ADGRL1: variants seen among roughly 807,000 people sequenced by gnomAD.
ADGRL1 encodes CIRL-1.
A neutral mutation model predicts 148.9 loss-of-function variants in ADGRL1; 31 were observed. The ratio of observed to expected loss-of-function variants is 0.21; its 90% CI spans 0.16 to 0.28. The LOEUF (loss-of-function observed/expected upper bound fraction) is 0.28, where lower values mean the gene tolerates loss of function less well. ADGRL1 is among the 10% of genes least tolerant of loss of function. The pLI is 1.00. For missense variants in ADGRL1, 1,521 were observed against 2,058.8 expected, an observed-to-expected ratio of 0.74 and a Z score of 5.05; for synonymous variants, 937 against 900.3, an observed-to-expected ratio of 1.04 and a Z score of -0.73.
Position 14,152,229 on chromosome 19 carries a change from C to T in ADGRL1, c.3650-79G>A, listed in dbSNP as rs1326682661. 6.2e-7 allele frequency: 1 copy of T among 1,613,842 alleles called. No homozygotes were observed. Among genetic ancestry groups the T allele is most frequent in the Non-Finnish European group, 8.5e-7 (1 of 1,179,958 alleles). On this transcript the variant is annotated intron_variant, in intron 21 of 22. Coordinates refer to ENST00000361434, the MANE Select transcript of ADGRL1 (RefSeq NM_014921.5). This position sits in a 1 kb window ranked among gnomAD's most constrained non-coding sequence, Gnocchi z 6.1. ...GCAAGTCCAGGCTCCAGTTCTGGGG[C>T]ACAGAACATCCCATGCAGAGGTCCC...
rs558552974 is a variant in ADGRL1 at position 14,148,420 on chromosome 19, C to T, written c.*2453G>A. On this transcript the variant is annotated 3_prime_UTR_variant, in exon 23 of 23. Coordinates refer to ENST00000361434, the MANE Select transcript of ADGRL1 (RefSeq NM_014921.5). ...GGAGGAAGTTGGCCTCTCTGTGTGC[C>T]TCAGCCCCCTGGAACTCTCCTGGCC... The T allele has an allele frequency of 6.6e-5, 10 of 152,458 alleles. No homozygotes were observed. The East Asian group carries it at 1.9e-3, about 29-fold the overall frequency. 9.4% of individuals were successfully genotyped at this position (152,458 alleles called of 1,614,324 possible). A position where few individuals can be genotyped will look rare whatever the true frequency, so the allele number is the denominator to read the frequency against.
chr19:14,162,004 C>T lies in ADGRL1; in HGVS notation c.1196-378G>A, dbSNP rs950655927. Among the ~76,000 whole-genome samples the T allele has an allele frequency of 1.3e-5, 2 of 152,080 alleles. No individual in the cohort carries two copies. The highest frequency in any genetic ancestry group is 2.9e-5 in the Non-Finnish European group (2 of 67,982). On this transcript the variant is annotated intron_variant, in intron 5 of 22. Transcript: ENST00000361434. The surrounding 1 kb of genome is among the most constrained non-coding windows in gnomAD (Gnocchi z 5.4). ...CCACCAGGTGGGGGCTGAATACCAC[C>T]GCCCCCCATCCTCGTTCTAGCTGAC...
At chr19:14,158,166 G>T in intron 12 of ADGRL1, 114 bp from the exon 13 acceptor site, 2 of 1,290,136 alleles carry the variant, frequency 1.6e-6, no homozygotes. Context: ...AGTGCCTGGG[G>T]TCTGGGGCTC....
intron 1 of ADGRL1, among the ~76,000 whole-genome samples, chr19:14,184,785 A>G (rs1008538155): frequency 1.3e-5 from 2 of 151,356 alleles, no homozygotes; most frequent in Non-Finnish European, 2.9e-5. Flanking sequence ...GACTACAGGC[A>G]CCCACCAACA....
chr19:14,180,428 G>C (rs1284446265), intron 2 of ADGRL1, among the ~76,000 whole-genome samples: 1 of 151,486 alleles, frequency 6.6e-6, no homozygotes, highest in African/African-American at 2.4e-5. Context: ...ACTAATTTTT[G>C]TATTTTTAGT....
intron 4 of ADGRL1, among the ~76,000 whole-genome samples, chr19:14,168,544 A>G (rs1436926619): frequency 6.6e-6 from 1 of 151,960 alleles, no homozygotes; most frequent in Admixed American, 6.6e-5. Flanking sequence ...CTGTCCCTGG[A>G]GCCTGCCTGG....
intron 1 of ADGRL1, among the ~76,000 whole-genome samples, chr19:14,197,774 G>A (rs1232157028): frequency 2.0e-5 from 3 of 152,170 alleles, no homozygotes; most frequent in Non-Finnish European, 2.9e-5. Context: ...TACCATTGTG[G>A]GTTGGGCTGG....
intron 3 of ADGRL1, among the ~76,000 whole-genome samples, chr19:14,172,326 G>T (rs1970529912): frequency 6.6e-6 from 1 of 152,150 alleles, no homozygotes; most frequent in African/African-American, 2.4e-5. Context: ...GGAGGCTAAG[G>T]CAGAAGAATC....
chr19:14,154,749 G>A (rs558113630), intron 18 of ADGRL1, among the ~76,000 whole-genome samples: 58 of 151,860 alleles, frequency 3.8e-4, no homozygotes, highest in African/African-American at 1.4e-3. Context: ...CAAGTAGCTG[G>A]GACTACAGGC....
At chr19:14,202,410 G>A (rs1215205747) in intron 1 of ADGRL1, among the ~76,000 whole-genome samples, 2 of 151,944 alleles carry the variant, frequency 1.3e-5, no homozygotes, top group Non-Finnish European at 2.9e-5. Flanking sequence ...ACACCACCAC[G>A]CCTGGCTAAT....
intron 1 of ADGRL1, among the ~76,000 whole-genome samples, chr19:14,200,632 A>T (rs1972539698): frequency 6.6e-6 from 1 of 152,158 alleles, no homozygotes; most frequent in Non-Finnish European, 1.5e-5. Flanking sequence ...TATTTTTTTG[A>T]GACAGGGTCT....
chr19:14,163,941 A>G (rs1337407013), intron 4 of ADGRL1, among the ~76,000 whole-genome samples: 3 of 148,220 alleles, frequency 2.0e-5, no homozygotes, highest in Non-Finnish European at 4.5e-5. Context: ...CCACACCCGG[A>G]CAGTGTTTTT....
chr19:14,154,263 T>C (rs1033609925), intron 18 of ADGRL1, among the ~76,000 whole-genome samples: 1 of 152,166 alleles, frequency 6.6e-6, no homozygotes, highest in African/African-American at 2.4e-5. Flanking sequence ...AGGATTCTCA[T>C]GATCACTGCC....
In ADGRL1 at chr19:14,159,077, C is replaced by T. The variant is rs374816441; in HGVS notation, c.2149+13G>A. On this transcript the variant is annotated intron_variant, in intron 11 of 22. Coordinates refer to ENST00000361434, the MANE Select transcript of ADGRL1 (RefSeq NM_014921.5). This position sits in a 1 kb window ranked among gnomAD's most constrained non-coding sequence, Gnocchi z 6.0. ...GCTGCTTCCCCACCCGAGGCCCCGC[C>T]GGGGACACTGACCATTGCGGCTGTT... 8.7e-6 allele frequency: 14 copies of T among 1,613,154 alleles called. No individual in the cohort carries two copies. In the Admixed American group the frequency reaches 1.2e-4, roughly 13 times the overall value.
chr19:14,150,691 C>T lies in ADGRL1; in HGVS notation c.*182G>A. 8 of 665,530 alleles carry T rather than the reference C, an allele frequency of 1.2e-5. No homozygotes were observed. Among genetic ancestry groups the T allele is most frequent in the Non-Finnish European group, 1.5e-5 (6 of 407,802 alleles). 41.2% of individuals were successfully genotyped at this position (665,530 alleles called of 1,614,324 possible). A position where few individuals can be genotyped will look rare whatever the true frequency, so the allele number is the denominator to read the frequency against. On this transcript the variant is annotated 3_prime_UTR_variant, in exon 23 of 23. Transcript: ENST00000361434. ...GCTGGTGGGAAACCCTGTCTGTGAA[C>T]CCTGGCACCTCAGGCCCCCAGGTTA...
chr19:14,199,620 C>T (rs1184316494), intron 1 of ADGRL1, among the ~76,000 whole-genome samples: 4 of 151,978 alleles, frequency 2.6e-5, no homozygotes, highest in Admixed American at 2.6e-4. Flanking sequence ...GAAATGGGGG[C>T]CTCGTTATGT....
rs1969541434 is a variant in ADGRL1 at position 14,162,854 on chromosome 19, A to G, written c.947T>C (p.Val316Ala). ...DKRSASNAFM[V>A]CGVLYVLRSV... ...ACGCAGGACGTACAGGACCCCACAC[A>G]CCATGAAGGCGTTGGATGCCGAGCG... The change falls in exon 5 of 23, where the codon GTG becomes GCG. Residue 316 changes from valine to alanine, a missense_variant. Coordinates refer to ENST00000361434, the MANE Select transcript of ADGRL1 (RefSeq NM_014921.5). This position sits in a 1 kb window ranked among gnomAD's most constrained non-coding sequence, Gnocchi z 5.4. 3.1e-6 allele frequency: 5 copies of G among 1,614,012 alleles called. No homozygotes were observed. The highest frequency in any genetic ancestry group is 4.2e-6 in the Non-Finnish European group (5 of 1,179,990).
intron 3 of ADGRL1, among the ~76,000 whole-genome samples, chr19:14,176,364 C>G (rs1970827538): frequency 1.3e-5 from 2 of 152,016 alleles, no homozygotes; most frequent in African/African-American, 4.8e-5. Context: ...AATTAAATAA[C>G]TAAATAAAAT....
In ADGRL1 at chr19:14,161,724, T is replaced by A. The variant is rs1443171974; in HGVS notation, c.1196-98A>T. The A allele has an allele frequency of 1.7e-5, 15 of 871,824 alleles. No homozygotes were observed. Among genetic ancestry groups the A allele is most frequent in the East Asian group, 3.3e-5 (1 of 30,264 alleles). 54.0% of individuals were successfully genotyped at this position (871,824 alleles called of 1,614,324 possible). ...CCAGGCCATCTTAGCATCTTCCTCA[T>A]CTACTGAAGTGGAAACACGTGCCGG... On this transcript the variant is annotated intron_variant, in intron 5 of 22. Coordinates refer to ENST00000361434, the MANE Select transcript of ADGRL1 (RefSeq NM_014921.5). The surrounding 1 kb of genome is among the most constrained non-coding windows in gnomAD (Gnocchi z 4.4).
Sources: allele counts gnomAD v4.1 joint callset (sites outside exome capture counted in the v4.1 genomes callset), GRCh38; gene constraint gnomAD v4.1.1; non-coding constraint Gnocchi (gnomAD v3.1); transcripts MANE v1.5; gene names NCBI Gene and HGNC (gene_info 2026-07-23, HGNC 2026-07-21).